The following ANKIB1 variants were observed in gnomAD, a reference collection of about 807,000 sequenced individuals.
ANKIB1 encodes ankyrin repeat and IBR domain-containing protein 1.
A neutral mutation model predicts 122.1 loss-of-function variants in ANKIB1; 43 were observed. The ratio of observed to expected loss-of-function variants is 0.35; its 90% confidence interval spans 0.28 to 0.45. The LOEUF (loss-of-function observed/expected upper bound fraction) is 0.45. ANKIB1 is among the 20% of genes least tolerant of loss of function. ANKIB1 has a pLI of 1.00. For synonymous variants in ANKIB1, 390 were observed against 442.0 expected (o/e 0.88, Z 1.48); for missense variants, 992 against 1,329.5 (o/e 0.75, Z 3.95).
chr7:92,337,322 A>G (rs994919353), intron 5 of ANKIB1, among the ~76,000 whole-genome samples: 7 of 152,186 alleles, frequency 4.6e-5, no homozygotes, highest in African/African-American at 1.4e-4. Flanking sequence ...GAATTAGGCT[A>G]TTGGTTTGAA....
At chr7:92,247,616 A>T (rs1801189238) in intron 1 of ANKIB1, among the ~76,000 whole-genome samples, 1 of 152,216 alleles carries the variant, frequency 6.6e-6, no homozygotes, top group Non-Finnish European at 1.5e-5. Flanking sequence ...TTTGCTTTTC[A>T]AACTGCTCCT....
At position 92,246,219 on chromosome 7, in the gene ANKIB1, C is replaced by G; in HGVS notation, c.-391C>G. ...AGAGCCACCGCCCCCTCTTCCCCTC[C>G]CCCGAGTGAGGCGGCGCAGCGGCCG... On this transcript the variant is annotated 5_prime_UTR_variant, in exon 1 of 20. Transcript: ENST00000265742. 2.7e-6 allele frequency: 1 copy of G among 377,004 alleles called. No individual in the cohort carries two copies. The highest frequency in any genetic ancestry group is 5.0e-6 in the Non-Finnish European group (1 of 198,402). 23.4% of individuals were successfully genotyped at this position (377,004 alleles called of 1,614,324 possible). A position where few individuals can be genotyped will look rare whatever the true frequency, so the allele number is the denominator to read the frequency against.
chr7:92,319,383 T>C lies in ANKIB1; in HGVS notation c.540T>C (p.Thr180=). 6.2e-7 allele frequency: 1 copy of C among 1,611,218 alleles called. No individual in the cohort carries two copies. The part of the protein sequence containing the change: ...DLFAENENKD[T]PCDCAEKQHH... Reference sequence around the variant, plus strand: ...TTGCTGAGAATGAAAATAAAGATACTCCTTGTGATTGTGCTGAAAAGCAAC... The same window carrying C: ...TTGCTGAGAATGAAAATAAAGATACCCCTTGTGATTGTGCTGAAAAGCAAC... The change falls in exon 4 of 20, where the codon ACT becomes ACC. Residue 180 remains threonine (T), a synonymous_variant. Coordinates refer to ENST00000265742, the MANE Select transcript of ANKIB1 (RefSeq NM_019004.2).
chr7:92,321,003 G>A (rs1162869284), intron 4 of ANKIB1, among the ~76,000 whole-genome samples: 3 of 151,976 alleles, frequency 2.0e-5, no homozygotes, highest in Non-Finnish European at 4.4e-5. Flanking sequence ...ATTTGCAGTT[G>A]TTCTTTCCTA....
At chr7:92,315,859 G>A (rs190893494) in intron 3 of ANKIB1, among the ~76,000 whole-genome samples, 2 of 152,202 alleles carry the variant, frequency 1.3e-5, no homozygotes, top group African/African-American at 4.8e-5. Flanking sequence ...GAAATGTGAA[G>A]GCCAAGAAAG....
rs769757507 is a variant in ANKIB1 at position 92,319,528 on chromosome 7, C to T, written c.669+16C>T. 3.8e-6 allele frequency: 6 copies of T among 1,584,020 alleles called. No homozygotes were observed. Among genetic ancestry groups the T allele is most frequent in the Middle Eastern group, 1.7e-4 (1 of 6,012 alleles). On this transcript the variant is annotated intron_variant, in intron 4 of 19. Transcript: ENST00000265742. ...CAAACGAGAGGTCAGTTTATTTTTT[C>T]TTCTCAGTAAAAAAATTACATGTAA...
At chr7:92,270,446 G>A (rs1385546323) in intron 1 of ANKIB1, among the ~76,000 whole-genome samples, 2 of 152,174 alleles carry the variant, frequency 1.3e-5, no homozygotes, top group African/African-American at 4.8e-5. Context: ...TAGAGAAGCT[G>A]AAACAAATAA....
rs1477726346 is a variant in ANKIB1, at chr7:92,296,495, T to C, written c.188+1329T>C. On this transcript the variant is annotated intron_variant, in intron 2 of 19. Coordinates refer to ENST00000265742, the MANE Select transcript of ANKIB1 (RefSeq NM_019004.2). ...CTCACTTGGCCTCCCAAAGGGTCTT[T>C]TTTATCTAAATTTTGCTCTTCAAGA... 9.9e-5 allele frequency among the ~76,000 whole-genome samples: 15 copies of C among 152,094 alleles called. No homozygotes were observed. In the South Asian group the frequency reaches 3.1e-3, roughly 32 times the overall value.
chr7:92,262,257 A>T (rs1430133520), intron 1 of ANKIB1, among the ~76,000 whole-genome samples: 1 of 152,220 alleles, frequency 6.6e-6, no homozygotes, highest in Non-Finnish European at 1.5e-5. Flanking sequence ...ATAGCTGAAG[A>T]TGTATGCAGT....
At chr7:92,247,642 A>T (rs1801191605) in intron 1 of ANKIB1, among the ~76,000 whole-genome samples, 1 of 152,206 alleles carries the variant, frequency 6.6e-6, no homozygotes, top group African/African-American at 2.4e-5. Context: ...ACTTTCCAGA[A>T]ATTAGATTTA....
chr7:92,307,264 TAG>T (rs1234886874), intron 2 of ANKIB1, 93 bp from the exon 3 acceptor site: 1 of 1,248,834 alleles, frequency 8.0e-7, no homozygotes, highest in Non-Finnish European at 1.1e-6. Flanking sequence ...AGCTTAGAAG[TAG>T]AGTTTATCTT....
chr7:92,379,481 G>A (rs781401544), intron 11 of ANKIB1, among the ~76,000 whole-genome samples: 1 of 152,094 alleles, frequency 6.6e-6, no homozygotes, highest in Non-Finnish European at 1.5e-5. Context: ...AACTAGCCTT[G>A]TCAAATAGCC....
At chr7:92,307,706 G>T (rs1384291633) in intron 3 of ANKIB1, 50 bp downstream of exon 3, 3 of 1,328,632 alleles carry the variant, frequency 2.3e-6, no homozygotes, top group African/African-American at 1.5e-5. Context: ...TTGTATCCAG[G>T]TGATATGTAA....
intron 9 of ANKIB1, among the ~76,000 whole-genome samples, chr7:92,357,402 C>T (rs1340811325): frequency 2.0e-5 from 3 of 152,024 alleles, no homozygotes; most frequent in Admixed American, 2.0e-4. Context: ...ATACCAGGGA[C>T]TTTAGAATAC....
Position 92,289,903 on chromosome 7 carries a change from A to G in ANKIB1, c.-90-4986A>G, listed in dbSNP as rs1046580215. Among the ~76,000 whole-genome samples, 48 of 152,074 alleles carry G rather than the reference A, an allele frequency of 3.2e-4. 1 individual carries two copies. Among genetic ancestry groups the G allele is most frequent in the African/African-American group, 9.9e-4 (41 of 41,494 alleles). ...ACTATCTCGGCTCACTGCAACTTCCACCTCCTGGGCTCAAGCCATTCTTCC... is the reference window on the plus strand; with the variant it reads ...ACTATCTCGGCTCACTGCAACTTCCGCCTCCTGGGCTCAAGCCATTCTTCC... On this transcript the variant is annotated intron_variant, in intron 1 of 19. Coordinates refer to ENST00000265742, the MANE Select transcript of ANKIB1 (RefSeq NM_019004.2).
At chr7:92,260,857 AT>A (rs1801547676) in intron 1 of ANKIB1, among the ~76,000 whole-genome samples, 2 of 152,126 alleles carry the variant, frequency 1.3e-5, no homozygotes, top group Non-Finnish European at 2.9e-5. Context: ...CTAGCACATG[AT>A]AGGTGGTTGA....
chr7:92,257,441 G>T (rs1016562298), intron 1 of ANKIB1, among the ~76,000 whole-genome samples: 1 of 152,184 alleles, frequency 6.6e-6, no homozygotes, highest in Admixed American at 6.5e-5. Context: ...AATAAATAAA[G>T]AATTGGTGGT....
intron 11 of ANKIB1, among the ~76,000 whole-genome samples, chr7:92,375,814 T>A (rs955074942): frequency 9.2e-5 from 14 of 152,244 alleles, no homozygotes; most frequent in Admixed American, 5.2e-4. Flanking sequence ...AATCACTATC[T>A]GTGGCAGCTT....
At chr7:92,259,334 T>C (rs995128420) in intron 1 of ANKIB1, among the ~76,000 whole-genome samples, 1 of 152,212 alleles carries the variant, frequency 6.6e-6, no homozygotes, top group African/African-American at 2.4e-5. Flanking sequence ...AGTATTTGAC[T>C]TTCTCCATGG....
Sources: allele counts gnomAD v4.1 joint callset (sites outside exome capture counted in the v4.1 genomes callset), GRCh38; gene constraint gnomAD v4.1.1; transcripts MANE v1.5; gene names NCBI Gene and HGNC (gene_info 2026-07-23, HGNC 2026-07-21).